The following TNRC6B variants were observed in gnomAD, a reference collection of about 807,000 sequenced individuals.
TNRC6B encodes trinucleotide repeat containing adaptor 6B, also known as trinucleotide repeat-containing gene 6B protein.
In TNRC6B, 52 loss-of-function variants were observed where a neutral mutation model predicts 203.6. The ratio of observed to expected loss-of-function variants is 0.26; its 90% confidence interval spans 0.20 to 0.32. The LOEUF is 0.32. TNRC6B is among the 10% of genes least tolerant of loss of function. TNRC6B has a pLI of 1.00. For missense variants in TNRC6B, 1,923 were observed against 2,286.2 expected, an observed-to-expected ratio of 0.84 and a Z score of 3.24; for synonymous variants, 838 against 845.7, an observed-to-expected ratio of 0.99 and a Z score of 0.16.
At chr22:40,186,665 G>A (rs1477672590) in intron 1 of TNRC6B, among the ~76,000 whole-genome samples, 1 of 150,846 alleles carries the variant, frequency 6.6e-6, no homozygotes, top group Non-Finnish European at 1.5e-5. Flanking sequence ...TTGAACCTGG[G>A]AGGCTGAGGT....
At chr22:40,311,051 A>C in intron 17 of TNRC6B, 58 bp downstream of exon 17, 2 of 1,525,312 alleles carry the variant, frequency 1.3e-6, no homozygotes, top group Non-Finnish European at 1.8e-6. Flanking sequence ...TGTCAGTTTC[A>C]GGTTCAGAAT....
At chr22:40,283,512 T>C (rs2070744200) in intron 11 of TNRC6B, among the ~76,000 whole-genome samples, 1 of 152,178 alleles carries the variant, frequency 6.6e-6, no homozygotes. Context: ...AAAGACCAAA[T>C]CTGTATGATT....
chr22:40,089,612 G>C (rs1230943980), intron 1 of TNRC6B, among the ~76,000 whole-genome samples: 1 of 152,046 alleles, frequency 6.6e-6, no homozygotes, highest in Non-Finnish European at 1.5e-5. Context: ...ATATTTGCCT[G>C]TTCTGTGTCC....
At chr22:40,204,067 A>T (rs184717064) in intron 1 of TNRC6B, among the ~76,000 whole-genome samples, 22 of 152,250 alleles carry the variant, frequency 1.4e-4, no homozygotes, top group African/African-American at 5.1e-4. Flanking sequence ...AGCAAAGAGA[A>T]AGGAGAAACA....
At chr22:40,305,281 C>T (rs1435526875) in intron 15 of TNRC6B, among the ~76,000 whole-genome samples, 1 of 152,216 alleles carries the variant, frequency 6.6e-6, no homozygotes, top group Non-Finnish European at 1.5e-5. Context: ...GCACAGATTA[C>T]ACTGTCCATA....
intron 1 of TNRC6B, among the ~76,000 whole-genome samples, chr22:40,114,208 A>AC (rs1568987731): frequency 1.8e-4 from 27 of 152,232 alleles, no homozygotes; most frequent in Non-Finnish European, 7.3e-5. Flanking sequence ...CAAAATAAAT[A>AC]TAGTTTGTTG....
At chr22:40,240,478 C>T (rs1039403991) in intron 1 of TNRC6B, among the ~76,000 whole-genome samples, 3 of 152,138 alleles carry the variant, frequency 2.0e-5, no homozygotes, top group African/African-American at 7.2e-5. Context: ...GGGCTAGCAG[C>T]AGTCCCAGGC....
chr22:40,200,344 TGGCATGATCTC>T (rs982152885), intron 1 of TNRC6B, among the ~76,000 whole-genome samples: 10 of 119,200 alleles, frequency 8.4e-5, no homozygotes, highest in African/African-American at 2.9e-4. Flanking sequence ...TGAAGTACAG[TGGCATGATCTC>T]GGCTCACTAC....
intron 2 of TNRC6B, chr22:40,246,324 G>C (rs2070106411): frequency 3.2e-6 from 1 of 310,544 alleles, no homozygotes; most frequent in Non-Finnish European, 6.1e-6. Context: ...TGAGTAGCTG[G>C]GATTACAGGT....
At chr22:40,292,562 A>G (rs1300605615) in intron 12 of TNRC6B, among the ~76,000 whole-genome samples, 22 of 152,216 alleles carry the variant, frequency 1.4e-4, no homozygotes, top group Non-Finnish European at 5.9e-5. Context: ...TTGCAACAAG[A>G]TCTTTACTTT....
chr22:40,226,733 T>C (rs533655820), intron 1 of TNRC6B, among the ~76,000 whole-genome samples: 3 of 152,298 alleles, frequency 2.0e-5, no homozygotes, highest in African/African-American at 7.2e-5. Flanking sequence ...TTAATGCTTT[T>C]TAAAGATCTT....
chr22:40,189,035 G>T (rs2069239619), intron 1 of TNRC6B, among the ~76,000 whole-genome samples: 2 of 152,040 alleles, frequency 1.3e-5, no homozygotes, highest in African/African-American at 4.8e-5. Flanking sequence ...GCTGGTCTAA[G>T]AATCATTTAT....
chr22:40,229,172 T>C (rs2069833196), intron 1 of TNRC6B, among the ~76,000 whole-genome samples: 1 of 152,212 alleles, frequency 6.6e-6, no homozygotes, highest in Admixed American at 6.5e-5. Flanking sequence ...ATTAAAACAA[T>C]GAGATGTAAA....
At chr22:40,278,314 CT>C (rs1283796647) in intron 9 of TNRC6B, among the ~76,000 whole-genome samples, 5 of 151,304 alleles carry the variant, frequency 3.3e-5, no homozygotes, top group Admixed American at 1.3e-4. Context: ...AATCCCAGCA[CT>C]TTGGGAGACC....
intron 4 of TNRC6B, among the ~76,000 whole-genome samples, chr22:40,164,539 G>T (rs1330588673): frequency 6.6e-6 from 1 of 151,118 alleles, no homozygotes; most frequent in Non-Finnish European, 1.5e-5. Context: ...AAGGCGGGTG[G>T]ATCACCTGAG....
chr22:40,094,912 GT>G (rs1186719019), intron 1 of TNRC6B, among the ~76,000 whole-genome samples: 3 of 152,092 alleles, frequency 2.0e-5, no homozygotes, highest in African/African-American at 7.2e-5. Context: ...GAGGCTGGAT[GT>G]TGCTCTGTTT....
intron 3 of TNRC6B, among the ~76,000 whole-genome samples, chr22:40,145,262 G>T (rs1355081252): frequency 6.6e-6 from 1 of 151,586 alleles, no homozygotes; most frequent in Non-Finnish European, 1.5e-5. Flanking sequence ...AGAGAGAAAT[G>T]AGATAAAAAT....
chr22:40,300,737 T>C (rs2071012033), intron 13 of TNRC6B, 151 bp downstream of exon 13: 2 of 1,259,276 alleles, frequency 1.6e-6, no homozygotes, highest in African/African-American at 3.0e-5. Flanking sequence ...TGCTTAAGGG[T>C]TGTCAGCTCA....
chr22:40,131,180 A>G (rs1457439051), intron 3 of TNRC6B, among the ~76,000 whole-genome samples: 1 of 152,044 alleles, frequency 6.6e-6, no homozygotes, highest in Non-Finnish European at 1.5e-5. Context: ...TCAGCCTCCC[A>G]AAGTGCTGGG....
Sources: gnomAD v4.1 joint callset for allele counts (sites outside exome capture counted in the v4.1 genomes callset) on GRCh38, gnomAD v4.1.1 for gene constraint, MANE v1.5 for transcripts, NCBI Gene and HGNC (gene_info 2026-07-23, HGNC 2026-07-21) for gene names.